PCDH11X: variants seen among roughly 807,000 people sequenced by gnomAD.
PCDH11X encodes protocadherin 11 X-linked.
Under a neutral mutation model 53.3 loss-of-function variants are expected in PCDH11X, and 18 were observed. The observed-to-expected ratio is 0.34, with a 90% CI of 0.23 to 0.50. PCDH11X has a LOEUF of 0.50. Among genes scored for constraint, PCDH11X ranks in the 20% least tolerant of loss-of-function variants. PCDH11X has a pLI of 0.98. For missense variants in PCDH11X, 570 were observed against 1,032.4 expected (o/e 0.55, Z 6.14); for synonymous variants, 279 against 393.3 (o/e 0.71, Z 3.44).
At chrX:91,866,775 T>G (rs904975349) in intron 5 of PCDH11X, among the ~76,000 whole-genome samples, 1 of 111,356 alleles carries the variant, frequency 9.0e-6, no homozygotes, top group African/African-American at 3.3e-5. Context: ...TTTGTGTCCT[T>G]GTGGGGAGGA....
At chrX:92,235,701 T>A (rs1291690278) in intron 7 of PCDH11X, among the ~76,000 whole-genome samples, 1 of 111,437 alleles carries the variant, frequency 9.0e-6, no homozygotes, top group Non-Finnish European at 1.9e-5. Flanking sequence ...GTAGAGTTAA[T>A]TTTTTTGAAG....
intron 1 of PCDH11X, among the ~76,000 whole-genome samples, chrX:91,780,121 A>C (rs907498667): frequency 2.7e-5 from 3 of 111,781 alleles, no homozygotes; most frequent in African/African-American, 9.8e-5. Flanking sequence ...GAGAGATTGG[A>C]GCTGAGGGGC....
At chrX:92,336,642 A>G (rs991897376) in intron 8 of PCDH11X, among the ~76,000 whole-genome samples, 5 of 111,489 alleles carry the variant, frequency 4.5e-5, no homozygotes, top group African/African-American at 1.6e-4. Flanking sequence ...CTGTAGTGGA[A>G]ACTGTATGCT....
At chrX:92,111,251 A>AAAAAAAAAAAAT (rs1487114803) in intron 6 of PCDH11X, among the ~76,000 whole-genome samples, 1 of 96,763 alleles carries the variant, frequency 1.0e-5, no homozygotes, top group Admixed American at 1.2e-4. Flanking sequence ...AAAAAAAAAA[A>AAAAAAAAAAAAT]TCAGCGTCAA....
intron 6 of PCDH11X, among the ~76,000 whole-genome samples, chrX:91,905,200 G>A (rs1941111983): frequency 9.3e-6 from 1 of 107,512 alleles, no homozygotes; most frequent in Non-Finnish European, 1.9e-5. Flanking sequence ...TGCAATCTCG[G>A]CTCACTGCAG....
At chrX:92,084,807 A>G (rs1272672532) in intron 6 of PCDH11X, among the ~76,000 whole-genome samples, 1 of 110,623 alleles carries the variant, frequency 9.0e-6, no homozygotes, top group African/African-American at 3.3e-5. Flanking sequence ...TTATTATACA[A>G]TGCTACATCA....
intron 9 of PCDH11X, among the ~76,000 whole-genome samples, chrX:92,412,372 G>T (rs1171261023): frequency 9.3e-6 from 1 of 107,290 alleles, no homozygotes; most frequent in Non-Finnish European, 1.9e-5. Flanking sequence ...ACCAGAAATG[G>T]CAACTTTAAA....
intron 10 of PCDH11X, among the ~76,000 whole-genome samples, chrX:92,597,259 A>G (rs1430807400): frequency 2.7e-5 from 3 of 109,602 alleles, no homozygotes; most frequent in Non-Finnish European, 3.8e-5. Context: ...TGCTGATGAC[A>G]TAATTCCATA....
At chrX:92,587,882 C>G (rs1411063290) in intron 10 of PCDH11X, among the ~76,000 whole-genome samples, 1 of 111,046 alleles carries the variant, frequency 9.0e-6, no homozygotes, top group East Asian at 2.8e-4. Flanking sequence ...TTTCAAGTTT[C>G]CTTTTCATCA....
intron 7 of PCDH11X, among the ~76,000 whole-genome samples, chrX:92,216,477 T>C (rs960196072): frequency 1.4e-4 from 14 of 103,175 alleles, no homozygotes; most frequent in African/African-American, 5.0e-4. Context: ...ATGAATGAAA[T>C]GAAGTGAGAA....
chrX:92,228,362 T>G (rs1355829964), intron 7 of PCDH11X, among the ~76,000 whole-genome samples: 1 of 111,826 alleles, frequency 8.9e-6, no homozygotes, highest in Non-Finnish European at 1.9e-5. Flanking sequence ...TCTTGGAGGT[T>G]AAGACCACAG....
intron 4 of PCDH11X, among the ~76,000 whole-genome samples, chrX:91,821,095 G>T (rs778419243): frequency 0.055 from 5,547 of 100,405 alleles, 871 homozygotes; most frequent in African/African-American, 0.25. Context: ...ATAGTTTGAA[G>T]TCTGGTAGTG....
intron 1 of PCDH11X, among the ~76,000 whole-genome samples, chrX:91,788,626 A>G (rs914324193): frequency 8.0e-5 from 9 of 112,417 alleles, no homozygotes; most frequent in African/African-American, 2.9e-4. Flanking sequence ...ATGCCAGGGC[A>G]TATGTGCGTT....
chrX:92,154,650 A>G (rs1418733832), intron 6 of PCDH11X, among the ~76,000 whole-genome samples: 1 of 110,820 alleles, frequency 9.0e-6, no homozygotes, highest in African/African-American at 3.3e-5. Flanking sequence ...CGTGAGGAAC[A>G]CATCGGCGGA....
chrX:92,091,715 C>T (rs749486679), intron 6 of PCDH11X, among the ~76,000 whole-genome samples: 27 of 111,219 alleles, frequency 2.4e-4, no homozygotes, highest in Admixed American at 2.0e-3. Flanking sequence ...TATCTGAAGG[C>T]CTGGGATCAA....
chrX:91,857,510 C>A (rs777466168), intron 5 of PCDH11X, among the ~76,000 whole-genome samples: 23 of 111,819 alleles, frequency 2.1e-4, no homozygotes, highest in South Asian at 7.5e-4. Context: ...TGAGATAAGG[C>A]AAGCCCCTTC....
chrX:92,286,285 A>G (rs959518530), intron 8 of PCDH11X, among the ~76,000 whole-genome samples: 14 of 109,254 alleles, frequency 1.3e-4, no homozygotes, highest in Non-Finnish European at 2.7e-4. Flanking sequence ...CCAGGAAAAA[A>G]TTATTTAATG....
At chrX:92,103,997 T>C (rs1326905624) in intron 6 of PCDH11X, among the ~76,000 whole-genome samples, 1 of 111,373 alleles carries the variant, frequency 9.0e-6, no homozygotes, top group Non-Finnish European at 1.9e-5. Context: ...CTGTAAAGTG[T>C]CTCAGGGTTG....
chrX:92,260,309 TA>T (rs1048752963), intron 7 of PCDH11X, among the ~76,000 whole-genome samples: 11 of 111,240 alleles, frequency 9.9e-5, no homozygotes, highest in African/African-American at 3.6e-4. Flanking sequence ...AGGGCTGGTT[TA>T]AATGCTCCCT....
Sources: allele counts gnomAD v4.1 joint callset (sites outside exome capture counted in the v4.1 genomes callset), GRCh38; gene constraint gnomAD v4.1.1; transcripts MANE v1.5; gene names NCBI Gene and HGNC (gene_info 2026-07-23, HGNC 2026-07-21).